Variants in SF3B3 observed in about 807,000 individuals in gnomAD.
The protein encoded by SF3B3 is splicing factor 3b subunit 3, also known as SAP 130.
Under a neutral mutation model 139.2 loss-of-function variants are expected in SF3B3, and 33 were observed. That is an observed-to-expected ratio of 0.24 (90% CI 0.18 to 0.32). The LOEUF is 0.32. SF3B3 is among the 10% of genes least tolerant of loss of function. The pLI is 1.00. For synonymous variants in SF3B3, 596 were observed against 563.6 expected, an observed-to-expected ratio of 1.06 and a Z score of -0.81; for missense variants, 818 against 1,509.4, an observed-to-expected ratio of 0.54 and a Z score of 7.59.
rs753894124 is a variant in SF3B3 at position 70,574,680 on chromosome 16, A to G, written c.*2867A>G. Reference sequence around the variant, plus strand: ...CAGCTAATTTTTGTATTTTTAGTAGAGAAGGTTTTACCATGTTGGACAGGG... The same window carrying G: ...CAGCTAATTTTTGTATTTTTAGTAGGGAAGGTTTTACCATGTTGGACAGGG... On this transcript the variant is annotated 3_prime_UTR_variant, in exon 26 of 26. Transcript: ENST00000302516. 6.6e-6 allele frequency: 1 copy of G among 152,194 alleles called. No individual in the cohort carries two copies. Among genetic ancestry groups the G allele is most frequent in the African/African-American group, 2.4e-5 (1 of 41,442 alleles). The allele number at this position is 152,194 out of a possible 1,614,324, so 9.4% of individuals were successfully genotyped here.
At position 70,533,811 on chromosome 16, in the gene SF3B3, A is replaced by C. The variant is rs536632782; in HGVS notation, c.712+1191A>C. On this transcript the variant is annotated intron_variant, in intron 5 of 25. Coordinates refer to ENST00000302516, the MANE Select transcript of SF3B3 (RefSeq NM_012426.5). Reference sequence around the variant, plus strand: ...ATAAAGGACAGCACTTACCTTTGTTAATACGTTAAGCAGATGAATTTTTGA... The same window carrying C: ...ATAAAGGACAGCACTTACCTTTGTTCATACGTTAAGCAGATGAATTTTTGA... Among the ~76,000 whole-genome samples, 19 of 152,358 alleles carry C rather than the reference A, an allele frequency of 1.2e-4. No individual in the cohort carries two copies. In the South Asian group the frequency reaches 3.9e-3, roughly 32 times the overall value.
At chr16:70,541,141 A>G (rs1390571299) in intron 8 of SF3B3, among the ~76,000 whole-genome samples, 1 of 152,194 alleles carries the variant, frequency 6.6e-6, no homozygotes, top group East Asian at 1.9e-4. Flanking sequence ...CCTGCTAAGT[A>G]TGCAGTGGTG....
rs772955167 is a variant in SF3B3, at chr16:70,532,519, C to T, written c.611C>T (p.Thr204Ile). 30 of 1,613,892 alleles carry T rather than the reference C, an allele frequency of 1.9e-5. No homozygotes were observed. The highest frequency in any genetic ancestry group is 2.4e-5 in the Non-Finnish European group (28 of 1,179,930). ...CCAACAGGGGAAGCAGCAGCTAATA[C>T]CCAGCAGACACTTACTTTCTATGAG... ...NDPTGEAAAN[T>I]QQTLTFYELD... The change falls in exon 5 of 26, where the codon ACC (threonine) becomes ATC (isoleucine). Residue 204 changes from threonine to isoleucine, a missense_variant. Physicochemically the swap from Thr to Ile is moderately conservative, Grantham distance 89. Transcript: ENST00000302516.
intron 15 of SF3B3, among the ~76,000 whole-genome samples, chr16:70,558,272 G>GTT (rs11311769): frequency 5.4e-5 from 8 of 147,022 alleles, no homozygotes; most frequent in African/African-American, 2.0e-4. Flanking sequence ...TAATTTTAAT[G>GTT]TTTTTTTTTT....
chr16:70,539,285 C>G (rs929910006), intron 8 of SF3B3, 78 bp downstream of exon 8: 3 of 994,892 alleles, frequency 3.0e-6, no homozygotes, highest in Non-Finnish European at 4.8e-6. Flanking sequence ...CAGTGGCTCA[C>G]GGCCATAATC....
At chr16:70,566,954 G>C (rs1319261308) in intron 20 of SF3B3, among the ~76,000 whole-genome samples, 1 of 152,132 alleles carries the variant, frequency 6.6e-6, no homozygotes, top group East Asian at 1.9e-4. Flanking sequence ...GGAGTCTGAG[G>C]TGGGAGGATC....
intron 17 of SF3B3, 113 bp from the exon 18 acceptor site, chr16:70,563,763 C>A: frequency 1.0e-6 from 1 of 974,132 alleles, no homozygotes; most frequent in Non-Finnish European, 1.6e-6. Context: ...TTGCCTAATG[C>A]CAACGTTAGA....
intron 15 of SF3B3, among the ~76,000 whole-genome samples, chr16:70,558,963 A>T (rs895489277): frequency 2.0e-5 from 3 of 152,122 alleles, no homozygotes; most frequent in Admixed American, 6.5e-5. Flanking sequence ...GCAGAAGAAG[A>T]AGTTGGTTAG....
chr16:70,554,944 C>T (rs1206725041), intron 12 of SF3B3, 107 bp from the exon 13 acceptor site: 5 of 1,033,508 alleles, frequency 4.8e-6, no homozygotes, highest in African/African-American at 1.6e-5. Flanking sequence ...GCCTCAAATG[C>T]AGTGGCCCCA....
chr16:70,555,150 C>T lies in SF3B3; in HGVS notation c.1654C>T (p.Arg552Ter). 1 of 1,613,964 alleles carries T rather than the reference C, an allele frequency of 6.2e-7. No individual in the cohort carries two copies. The part of the protein sequence containing the change: ...KTIVKCAVNQ[R>*]QVVIALTGGE... ...AATTGTGAAGTGTGCAGTGAACCAG[C>T]GACAAGTGGTGATTGCCCTGACAGG... The change falls in exon 13 of 26, where the codon CGA becomes TGA. Residue 552 changes from arginine (R) to a stop codon, truncating the protein, a stop_gained. Coordinates refer to ENST00000302516, the MANE Select transcript of SF3B3 (RefSeq NM_012426.5). LOFTEE classifies it high-confidence loss of function.
chr16:70,567,659 T>A, intron 21 of SF3B3, 123 bp downstream of exon 21: 1 of 1,185,570 alleles, frequency 8.4e-7, no homozygotes, highest in Non-Finnish European at 1.2e-6. Context: ...TTACCCCAAT[T>A]CCAGCTTCAG....
chr16:70,560,692 T>TC, intron 16 of SF3B3, 101 bp downstream of exon 16: 1 of 1,346,774 alleles, frequency 7.4e-7, no homozygotes, highest in African/African-American at 1.4e-5. Flanking sequence ...AATTTGCCAC[T>TC]CCATCTTGAT....
At position 70,570,158 on chromosome 16, in the gene SF3B3, G is replaced by A. The variant is rs911347636; in HGVS notation, c.3408+9G>A. The A allele has an allele frequency of 7.4e-6, 12 of 1,613,618 alleles. No individual in the cohort carries two copies. Among genetic ancestry groups the A allele is most frequent in the East Asian group, 4.5e-5 (2 of 44,880 alleles). ...CATTCACGTCCCATGAGGTGAGAGCGCCCACATTACTCTGGCCTTGACTTT... is the reference window on the plus strand; with the variant it reads ...CATTCACGTCCCATGAGGTGAGAGCACCCACATTACTCTGGCCTTGACTTT... On this transcript the variant is annotated intron_variant, in intron 24 of 25. Coordinates refer to ENST00000302516, the MANE Select transcript of SF3B3 (RefSeq NM_012426.5).
chr16:70,563,718 CAG>C (rs2050450391), intron 17 of SF3B3, 156 bp from the exon 18 acceptor site: 2 of 634,604 alleles, frequency 3.2e-6, no homozygotes, highest in Admixed American at 3.1e-5. Context: ...GTCTGCATCG[CAG>C]AGTTTTCTAG....
rs71387528 is a variant in SF3B3, at chr16:70,528,464, C to CTT, written c.71-386_71-385dup. Among the ~76,000 whole-genome samples the CTT allele has an allele frequency of 3.7e-3, 385 of 103,858 alleles. 1 individual carries two copies. The highest frequency in any genetic ancestry group is 0.014 in the African/African-American group (337 of 24,638). 68.1% of individuals were successfully genotyped at this position (103,858 alleles called of 152,430 possible). A position where few individuals can be genotyped will look rare whatever the true frequency, so the allele number is the denominator to read the frequency against. ...ACAGGTGTGAGCCACTGTGCGTGGC[C>CTT]TTTTTTTTTTTTTTTTTTTTTTTTA... is the stretch of plus-strand genomic sequence containing the variant. On this transcript the variant is annotated intron_variant, in intron 2 of 25. Coordinates refer to ENST00000302516, the MANE Select transcript of SF3B3 (RefSeq NM_012426.5).
At chr16:70,537,883 G>A (rs976774810) in intron 6 of SF3B3, 1 of 384,334 alleles carries the variant, frequency 2.6e-6, no homozygotes, top group Non-Finnish European at 5.1e-6. Context: ...AGACCAGTCT[G>A]GGCAACATAG....
chr16:70,537,187 A>G (rs139750206), intron 6 of SF3B3, among the ~76,000 whole-genome samples: 14 of 152,368 alleles, frequency 9.2e-5, no homozygotes, highest in Non-Finnish European at 1.9e-4. Flanking sequence ...TATAATTACT[A>G]CATAGGGAGT....
Position 70,559,737 on chromosome 16 carries a change from G to T in SF3B3, c.2011-732G>T, listed in dbSNP as rs574563820. ...AAAAATAGAGTAACATCATAAACTT[G>T]TGGATTTTTATACATTTGTGCTGAA... On this transcript the variant is annotated intron_variant, in intron 15 of 25. Coordinates refer to ENST00000302516, the MANE Select transcript of SF3B3 (RefSeq NM_012426.5). Among the ~76,000 whole-genome samples, 3 of 151,560 alleles carry T rather than the reference G, an allele frequency of 2.0e-5. No homozygotes were observed. In the East Asian group the frequency reaches 5.8e-4, roughly 29 times the overall value.
intron 8 of SF3B3, 136 bp from the exon 9 acceptor site, chr16:70,541,533 C>A: frequency 1.5e-6 from 1 of 665,742 alleles, no homozygotes; most frequent in Non-Finnish European, 2.5e-6. Flanking sequence ...AGCTGTCGTA[C>A]TTAGTGATAA....
Sources: allele counts gnomAD v4.1 joint callset (sites outside exome capture counted in the v4.1 genomes callset), GRCh38; gene constraint gnomAD v4.1.1; transcripts MANE v1.5; gene names NCBI Gene and HGNC (gene_info 2026-07-23, HGNC 2026-07-21).